ADGRL3: variants seen among roughly 807,000 people sequenced by gnomAD.
The protein encoded by ADGRL3 is adhesion G protein-coupled receptor L3.
Under a neutral mutation model 153.5 loss-of-function variants are expected in ADGRL3, and 62 were observed. The ratio of observed to expected loss-of-function variants is 0.40; its 90% CI spans 0.33 to 0.50. ADGRL3 has a LOEUF of 0.50. ADGRL3 is among the 20% of genes least tolerant of loss of function. The pLI is 0.47. For missense variants in ADGRL3, 1,641 were observed against 1,859.4 expected (o/e 0.88, Z 2.16); for synonymous variants, 710 against 672.5 (o/e 1.06, Z -0.86).
At chr4:61,371,354 T>C (rs1420705154) in intron 1 of ADGRL3, among the ~76,000 whole-genome samples, 2 of 152,028 alleles carry the variant, frequency 1.3e-5, no homozygotes, top group East Asian at 3.9e-4. Flanking sequence ...GGCATGATTT[T>C]GCAGCGGCTG....
At chr4:61,566,683 A>G (rs1176855062) in intron 4 of ADGRL3, among the ~76,000 whole-genome samples, 1 of 152,172 alleles carries the variant, frequency 6.6e-6, no homozygotes, top group Non-Finnish European at 1.5e-5. Flanking sequence ...GCTAAGAGCT[A>G]TATATAATGG....
chr4:61,888,127 TTTAG>T (rs1409752093), intron 9 of ADGRL3, among the ~76,000 whole-genome samples: 17 of 152,190 alleles, frequency 1.1e-4, no homozygotes, highest in African/African-American at 4.1e-4. Context: ...AGGAGTTTTG[TTTAG>T]TTATTTTTAT....
At chr4:61,672,702 G>T (rs936830305) in intron 5 of ADGRL3, among the ~76,000 whole-genome samples, 9 of 151,954 alleles carry the variant, frequency 5.9e-5, no homozygotes, top group South Asian at 2.1e-4. Context: ...AGAGGGAAGA[G>T]AATCCTTATA....
intron 9 of ADGRL3, among the ~76,000 whole-genome samples, chr4:61,831,568 A>C (rs1052819901): frequency 1.3e-5 from 2 of 152,098 alleles, no homozygotes; most frequent in Admixed American, 1.3e-4. Flanking sequence ...ACACCAGTGC[A>C]TTTATAACTG....
At chr4:61,677,023 T>G in intron 6 of ADGRL3, 88 bp downstream of exon 6, 1 of 851,806 alleles carries the variant, frequency 1.2e-6, no homozygotes. Context: ...TATGAAAACA[T>G]AAATCACGTA....
chr4:61,939,891 G>C (rs909027737), intron 15 of ADGRL3, among the ~76,000 whole-genome samples: 1 of 151,242 alleles, frequency 6.6e-6, no homozygotes, highest in Non-Finnish European at 1.5e-5. Flanking sequence ...CGTATCAATA[G>C]TTTGTTCTTT....
In ADGRL3 at chr4:61,496,017, G is replaced by A. The variant is rs560559142; in HGVS notation, c.-173-1104G>A. ...GCATAATAATCTGTCTTTAATCATC[G>A]TACATTGTTATTTAGATAATACTTT... On this transcript the variant is annotated intron_variant, in intron 2 of 26. Coordinates refer to ENST00000683033, the MANE Select transcript of ADGRL3 (RefSeq NM_001387552.1). Among the ~76,000 whole-genome samples the A allele has an allele frequency of 2.6e-5, 4 of 152,192 alleles. No homozygotes were observed. In the East Asian group the frequency reaches 7.7e-4, roughly 29 times the overall value.
At chr4:61,423,513 A>T (rs945894587) in intron 2 of ADGRL3, among the ~76,000 whole-genome samples, 1 of 152,228 alleles carries the variant, frequency 6.6e-6, no homozygotes, top group Non-Finnish European at 1.5e-5. Context: ...ACATGATGTC[A>T]TCTGAGCCTT....
intron 8 of ADGRL3, among the ~76,000 whole-genome samples, chr4:61,734,716 C>G (rs2096486827): frequency 6.6e-6 from 1 of 152,154 alleles, no homozygotes; most frequent in Admixed American, 6.6e-5. Flanking sequence ...TAACAGTCTT[C>G]TCCAAGATAA....
chr4:61,677,174 C>G (rs1055814766), intron 6 of ADGRL3: 3 of 416,214 alleles, frequency 7.2e-6, no homozygotes, highest in Non-Finnish European at 4.4e-6. Flanking sequence ...TTCTAACACA[C>G]TTTTCTTAAT....
intron 4 of ADGRL3, among the ~76,000 whole-genome samples, chr4:61,553,003 A>T (rs2098747357): frequency 6.6e-6 from 1 of 152,148 alleles, no homozygotes. Context: ...ATCTCCACCT[A>T]GTAGTCAGGA....
At chr4:61,465,892 CG>C (rs917706640) in intron 2 of ADGRL3, among the ~76,000 whole-genome samples, 1 of 151,470 alleles carries the variant, frequency 6.6e-6, no homozygotes, top group African/African-American at 2.4e-5. Context: ...GAGGCCTATG[CG>C]GGTGGATTGC....
chr4:61,789,979 G>C (rs2097322645), intron 8 of ADGRL3, among the ~76,000 whole-genome samples: 1 of 152,174 alleles, frequency 6.6e-6, no homozygotes, highest in African/African-American at 2.4e-5. Context: ...CTGAGTAGCA[G>C]AATATTCTAC....
chr4:61,232,715 A>G (rs1374697024), intron 1 of ADGRL3, among the ~76,000 whole-genome samples: 1 of 152,174 alleles, frequency 6.6e-6, no homozygotes, highest in Non-Finnish European at 1.5e-5. Flanking sequence ...GGATTAAGAC[A>G]TGTCAGGTAA....
intron 8 of ADGRL3, among the ~76,000 whole-genome samples, chr4:61,754,841 TTCCCACC>T (rs2096802201): frequency 6.6e-6 from 1 of 152,118 alleles, no homozygotes; most frequent in Non-Finnish European, 1.5e-5. Flanking sequence ...CATTGTTCAA[TTCCCACC>T]TATGAGTGAG....
At chr4:62,059,200 G>A (rs1560566438) in intron 25 of ADGRL3, among the ~76,000 whole-genome samples, 1 of 152,060 alleles carries the variant, frequency 6.6e-6, no homozygotes. Context: ...TCATGGAAAA[G>A]TATTTAATTC....
At chr4:61,352,921 T>C (rs1212785326) in intron 1 of ADGRL3, among the ~76,000 whole-genome samples, 2 of 152,180 alleles carry the variant, frequency 1.3e-5, no homozygotes, top group Non-Finnish European at 2.9e-5. Flanking sequence ...GAGTGATAGA[T>C]ATGAATTGAA....
intron 6 of ADGRL3, among the ~76,000 whole-genome samples, chr4:61,693,057 A>C (rs1370056212): frequency 6.6e-6 from 1 of 152,168 alleles, no homozygotes; most frequent in Non-Finnish European, 1.5e-5. Context: ...GGAAAATGAC[A>C]GTGCCAAAAT....
intron 8 of ADGRL3, chr4:61,775,771 A>T: frequency 1.2e-6 from 1 of 812,400 alleles, no homozygotes; most frequent in African/African-American, 1.7e-5. Context: ...GCAATCGTGG[A>T]TGAGGGCAGT....
Sources: gnomAD v4.1 joint callset for allele counts (sites outside exome capture counted in the v4.1 genomes callset) on GRCh38, gnomAD v4.1.1 for gene constraint, MANE v1.5 for transcripts, NCBI Gene and HGNC (gene_info 2026-07-23, HGNC 2026-07-21) for gene names.